Variants in CHODL observed in about 807,000 individuals in gnomAD.
CHODL encodes the protein chondrolectin, also known as transmembrane protein MT75.
Under a neutral mutation model 34.5 loss-of-function variants are expected in CHODL, and 29 were observed. The ratio of observed to expected loss-of-function variants is 0.84; its 90% CI spans 0.63 to 1.15. The LOEUF (loss-of-function observed/expected upper bound fraction) is 1.15. Among genes scored for constraint, CHODL ranks in the 50% most tolerant of loss-of-function variants. CHODL has a pLI of 0.00. For missense variants in CHODL, 332 were observed against 332.5 expected (o/e 1.00, Z 0.01); for synonymous variants, 125 against 116.1 (o/e 1.08, Z -0.49).
At chr21:18,204,408 A>G (rs1168795038) in intron 2 of CHODL, among the ~76,000 whole-genome samples, 2 of 152,272 alleles carry the variant, frequency 1.3e-5, no homozygotes, top group South Asian at 2.1e-4. Context: ...AGAAACTAGT[A>G]TAACTATTGA....
At chr21:17,918,121 G>A (rs1476917164) in intron 1 of CHODL, among the ~76,000 whole-genome samples, 9 of 152,156 alleles carry the variant, frequency 5.9e-5, no homozygotes, top group Admixed American at 5.9e-4. Flanking sequence ...AGATGAAGAG[G>A]CTGATACTGG....
chr21:18,104,310 C>A (rs546389752), intron 2 of CHODL, among the ~76,000 whole-genome samples: 46 of 152,194 alleles, frequency 3.0e-4, no homozygotes, highest in African/African-American at 1.1e-3. Context: ...AGTGAGTTCT[C>A]ATGAAAATCT....
At chr21:18,155,605 C>T (rs1054755651) in intron 2 of CHODL, among the ~76,000 whole-genome samples, 1 of 152,144 alleles carries the variant, frequency 6.6e-6, no homozygotes, top group African/African-American at 2.4e-5. Context: ...GGCAGAATTT[C>T]GAGGTTGTTA....
intron 2 of CHODL, among the ~76,000 whole-genome samples, chr21:18,165,347 A>T (rs1029880168): frequency 6.6e-6 from 1 of 152,260 alleles, no homozygotes; most frequent in Admixed American, 6.5e-5. Flanking sequence ...CATGTGATTC[A>T]TCATTTTAAA....
intron 2 of CHODL, among the ~76,000 whole-genome samples, chr21:18,185,344 A>T (rs1008385731): frequency 1.5e-4 from 23 of 152,186 alleles, no homozygotes; most frequent in African/African-American, 5.1e-4. Context: ...CCTGAAAAGG[A>T]CATGAACTCA....
intron 2 of CHODL, among the ~76,000 whole-genome samples, chr21:18,081,947 G>A (rs957866804): frequency 3.3e-5 from 5 of 152,104 alleles, no homozygotes; most frequent in South Asian, 4.1e-4. Context: ...TTTATATAAT[G>A]TATCACATTT....
chr21:17,973,622 G>A (rs1273181010), intron 1 of CHODL, among the ~76,000 whole-genome samples: 2 of 150,536 alleles, frequency 1.3e-5, no homozygotes, highest in African/African-American at 4.9e-5. Flanking sequence ...GAGTTTCACC[G>A]TGTTAGCCGG....
At chr21:17,994,193 T>A (rs1371226718) in intron 1 of CHODL, among the ~76,000 whole-genome samples, 1 of 152,180 alleles carries the variant, frequency 6.6e-6, no homozygotes, top group Non-Finnish European at 1.5e-5. Context: ...AGGTGCTTTG[T>A]TAAATTGTTT....
chr21:18,260,296 T>C lies in CHODL; in HGVS notation c.634+10T>C. On this transcript the variant is annotated intron_variant, in intron 4 of 5. Coordinates refer to ENST00000299295, the MANE Select transcript of CHODL (RefSeq NM_024944.3). Reference sequence around the variant, plus strand: ...GTTGTTACTGAAGCAGGTAATTACTTCATGTGTCTTTAACTTCATCAAGAA... The same window carrying C: ...GTTGTTACTGAAGCAGGTAATTACTCCATGTGTCTTTAACTTCATCAAGAA... 1 of 1,526,644 alleles carries C rather than the reference T, an allele frequency of 6.6e-7. No homozygotes were observed. Among genetic ancestry groups the C allele is most frequent in the South Asian group, 1.2e-5 (1 of 83,546 alleles). The allele number at this position is 1,526,644 out of a possible 1,614,324, so 94.6% of individuals were successfully genotyped here.
chr21:18,147,945 G>C (rs887732249), intron 2 of CHODL, among the ~76,000 whole-genome samples: 1 of 152,178 alleles, frequency 6.6e-6, no homozygotes, highest in African/African-American at 2.4e-5. Flanking sequence ...GATTGGTTTA[G>C]GGGTAATTGT....
intron 2 of CHODL, among the ~76,000 whole-genome samples, chr21:18,198,911 TA>T (rs1328510112): frequency 2.6e-5 from 4 of 152,112 alleles, no homozygotes; most frequent in Admixed American, 2.6e-4. Context: ...CAATTGTTCT[TA>T]AATATACAAT....
chr21:18,142,655 CT>C (rs1425645189), intron 2 of CHODL, among the ~76,000 whole-genome samples: 1 of 152,076 alleles, frequency 6.6e-6, no homozygotes, highest in Non-Finnish European at 1.5e-5. Context: ...TTCTTCTCAA[CT>C]TTTTACCATT....
intron 2 of CHODL, among the ~76,000 whole-genome samples, chr21:18,156,513 C>T (rs996048819): frequency 2.0e-5 from 3 of 152,014 alleles, no homozygotes; most frequent in African/African-American, 4.8e-5. Flanking sequence ...TAAAAATGAT[C>T]GTTCATATAA....
chr21:18,211,521 A>G (rs1017953773), intron 2 of CHODL, among the ~76,000 whole-genome samples: 1 of 152,248 alleles, frequency 6.6e-6, no homozygotes, highest in African/African-American at 2.4e-5. Flanking sequence ...GTCTTGGGAC[A>G]TTGTGAGTTA....
At chr21:18,160,541 G>A (rs1046615026) in intron 2 of CHODL, among the ~76,000 whole-genome samples, 7 of 151,824 alleles carry the variant, frequency 4.6e-5, no homozygotes, top group Non-Finnish European at 8.8e-5. Flanking sequence ...ATGTGTCCAA[G>A]TGTTCTCAAC....
At chr21:17,944,549 A>T (rs778422928) in intron 1 of CHODL, among the ~76,000 whole-genome samples, 1 of 152,210 alleles carries the variant, frequency 6.6e-6, no homozygotes, top group Non-Finnish European at 1.5e-5. Flanking sequence ...ACCTGCCCAG[A>T]TAAGTGTCTC....
intron 1 of CHODL, among the ~76,000 whole-genome samples, chr21:18,015,058 G>A (rs1568845029): frequency 6.6e-6 from 1 of 152,166 alleles, no homozygotes; most frequent in Non-Finnish European, 1.5e-5. Context: ...TTAAATCGTT[G>A]TATACAAAAT....
intron 1 of CHODL, among the ~76,000 whole-genome samples, chr21:17,926,375 G>GTTTTTTTTT (rs767844049): frequency 3.3e-5 from 2 of 60,540 alleles, no homozygotes. Context: ...AAATAAGGTG[G>GTTTTTTTTT]GTTTTTTTTT....
At chr21:18,113,993 C>T (rs1010124975) in intron 2 of CHODL, among the ~76,000 whole-genome samples, 8 of 152,210 alleles carry the variant, frequency 5.3e-5, no homozygotes, top group African/African-American at 1.2e-4. Flanking sequence ...TTTACAACAA[C>T]GTGGATGGAA....
Sources: allele counts gnomAD v4.1 joint callset (sites outside exome capture counted in the v4.1 genomes callset), GRCh38; gene constraint gnomAD v4.1.1; transcripts MANE v1.5; gene names NCBI Gene and HGNC (gene_info 2026-07-23, HGNC 2026-07-21).